Variants in LSM3 observed in about 807,000 individuals in gnomAD.
LSM3 encodes U6 snRNA-associated Sm-like protein LSm3.
In LSM3, 14 loss-of-function variants were observed where a neutral mutation model predicts 15.4. The observed-to-expected ratio is 0.91, with a 90% CI of 0.60 to 1.42. LSM3 has a LOEUF of 1.42. LSM3 is among the 40% of genes most tolerant of loss of function. The pLI is 0.00. For missense variants in LSM3, 88 were observed against 127.9 expected (o/e 0.69, Z 1.50); for synonymous variants, 46 against 45.1 (o/e 1.02, Z -0.08).
At chr3:14,197,160 G>A (rs2733550) in intron 3 of LSM3, among the ~76,000 whole-genome samples, 65,738 of 152,144 alleles carry the variant, frequency 0.43, 14,722 homozygotes, top group Non-Finnish European at 0.48. Context: ...CTAAAAGCCA[G>A]TGGCTTTTCT....
Position 14,200,725 on chromosome 3 carries a change from C to T in LSM3, c.*2609C>T, listed in dbSNP as rs1409270417. 1 of 152,190 alleles carries T rather than the reference C, an allele frequency of 6.6e-6. No individual in the cohort carries two copies. The highest frequency in any genetic ancestry group is 6.5e-5 in the Admixed American group (1 of 15,282). The allele number at this position is 152,190 out of a possible 1,614,324, so 9.4% of individuals were successfully genotyped here. On this transcript the variant is annotated 3_prime_UTR_variant, in exon 4 of 4. Transcript: ENST00000306024. ...ATCCCAAGTTAAACTTAATCATTAG[C>T]TGCAAATGGACGATTTTCAAATTTC...
chr3:14,183,843 C>A (rs997293096), intron 2 of LSM3, 94 bp from the exon 3 acceptor site: 16 of 832,334 alleles, frequency 1.9e-5, no homozygotes, highest in Non-Finnish European at 2.4e-5. Flanking sequence ...ATCAAATGCC[C>A]TAGTTGTAAT....
chr3:14,198,302 C>T lies in LSM3; in HGVS notation c.*186C>T. Reference sequence around the variant, plus strand: ...AACTTCTTAAGCTAAATGGTATTTTCATTTTTCTCAAGCTCTCCAATAAAT... The same window carrying T: ...AACTTCTTAAGCTAAATGGTATTTTTATTTTTCTCAAGCTCTCCAATAAAT... On this transcript the variant is annotated 3_prime_UTR_variant, in exon 4 of 4. Coordinates refer to ENST00000306024, the MANE Select transcript of LSM3 (RefSeq NM_014463.3). 1.8e-6 allele frequency: 1 copy of T among 548,078 alleles called. No individual in the cohort carries two copies. Among genetic ancestry groups the T allele is most frequent in the Admixed American group, 3.2e-5 (1 of 30,790 alleles). 34.0% of individuals were successfully genotyped at this position (548,078 alleles called of 1,614,324 possible).
rs909594429 is a variant in LSM3 at position 14,199,948 on chromosome 3, C to G, written c.*1832C>G. The G allele has an allele frequency of 6.6e-6, 1 of 152,256 alleles. No individual in the cohort carries two copies. The highest frequency in any genetic ancestry group is 2.1e-4 in the South Asian group (1 of 4,830). The allele number at this position is 152,256 out of a possible 1,614,324, so 9.4% of individuals were successfully genotyped here. A position where few individuals can be genotyped will look rare whatever the true frequency, so the allele number is the denominator to read the frequency against. On this transcript the variant is annotated 3_prime_UTR_variant, in exon 4 of 4. Coordinates refer to ENST00000306024, the MANE Select transcript of LSM3 (RefSeq NM_014463.3). Reference sequence around the variant, plus strand: ...GGGTGACAGGCCATCTGGCCTCGCTCTGCCAGTCTGCAGTTCTCCCCAGCA... The same window carrying G: ...GGGTGACAGGCCATCTGGCCTCGCTGTGCCAGTCTGCAGTTCTCCCCAGCA...
At chr3:14,180,098 T>G (rs1697007880) in intron 1 of LSM3, among the ~76,000 whole-genome samples, 1 of 152,164 alleles carries the variant, frequency 6.6e-6, no homozygotes, top group Non-Finnish European at 1.5e-5. Flanking sequence ...TTCAGTTACC[T>G]TCCTCCACTG....
Position 14,194,287 on chromosome 3 carries a change from C to T in LSM3, c.229-3749C>T, listed in dbSNP as rs1697168418. Among the ~76,000 whole-genome samples, 3 of 152,162 alleles carry T rather than the reference C, an allele frequency of 2.0e-5. No homozygotes were observed. In the South Asian group the frequency reaches 6.2e-4, roughly 31 times the overall value. On this transcript the variant is annotated intron_variant, in intron 3 of 3. Coordinates refer to ENST00000306024, the MANE Select transcript of LSM3 (RefSeq NM_014463.3). ...CCCTTAGCAGAGCTCGAACGCTGTGCTGGGAGGTCCGCTGCTGTCTTCAGA... is the reference window on the plus strand; with the variant it reads ...CCCTTAGCAGAGCTCGAACGCTGTGTTGGGAGGTCCGCTGCTGTCTTCAGA...
rs1697039383 is a variant in LSM3, at chr3:14,181,602, A to G, written c.64A>G (p.Arg22Gly). ...NTVEEPLDLIRLSLDERIYVK... is the reference protein window; with the variant it reads ...NTVEEPLDLIGLSLDERIYVK... Reference sequence around the variant, plus strand: ...TGTAGAGGAGCCCCTGGATCTTATCAGGCTCAGCCTAGATGAGCGAATTTA... The same window carrying G: ...TGTAGAGGAGCCCCTGGATCTTATCGGGCTCAGCCTAGATGAGCGAATTTA... The change falls in exon 2 of 4, where the codon AGG (arginine) becomes GGG (glycine). Residue 22 changes from arginine to glycine, a missense_variant. Arg to Gly is a moderately radical substitution (Grantham distance 125, BLOSUM62 -2). Coordinates refer to ENST00000306024, the MANE Select transcript of LSM3 (RefSeq NM_014463.3). 6.2e-7 allele frequency: 1 copy of G among 1,613,764 alleles called. No homozygotes were observed. The highest frequency in any genetic ancestry group is 1.7e-5 in the Admixed American group (1 of 60,012).
intron 1 of LSM3, 30 bp downstream of exon 1, chr3:14,178,911 G>T: frequency 1.2e-6 from 2 of 1,613,678 alleles, no homozygotes; most frequent in Non-Finnish European, 1.7e-6. Flanking sequence ...GTCGCTCGAA[G>T]GAGCTTCTTG....
At chr3:14,187,587 T>C (rs1316835895) in intron 3 of LSM3, among the ~76,000 whole-genome samples, 1 of 152,234 alleles carries the variant, frequency 6.6e-6, no homozygotes, top group African/African-American at 2.4e-5. Flanking sequence ...CTGTGCGCTC[T>C]TGTTACTCCT....
At chr3:14,193,368 G>A (rs926123373) in intron 3 of LSM3, among the ~76,000 whole-genome samples, 5 of 152,232 alleles carry the variant, frequency 3.3e-5, no homozygotes, top group Non-Finnish European at 7.3e-5. Flanking sequence ...ATCCTGAAGA[G>A]TGTTTTCCAA....
intron 1 of LSM3, 32 bp from the exon 2 acceptor site, chr3:14,181,528 T>C (rs369352239): frequency 7.3e-7 from 1 of 1,370,518 alleles, no homozygotes; most frequent in African/African-American, 1.4e-5. Context: ...CTGACTCTAG[T>C]ACTACATTAC....
intron 3 of LSM3, among the ~76,000 whole-genome samples, chr3:14,185,919 CT>C (rs112656058): frequency 0.032 from 4,661 of 144,244 alleles, 88 homozygotes; most frequent in Non-Finnish European, 0.046. Context: ...TCAGAAAGGT[CT>C]TTTTTTTTTT....
chr3:14,196,576 C>T (rs1697189400), intron 3 of LSM3, among the ~76,000 whole-genome samples: 1 of 152,184 alleles, frequency 6.6e-6, no homozygotes, highest in Non-Finnish European at 1.5e-5. Flanking sequence ...GTTACTGGTC[C>T]CTAACAGTGG....
At chr3:14,182,750 A>G (rs1210120943) in intron 2 of LSM3, among the ~76,000 whole-genome samples, 1 of 152,230 alleles carries the variant, frequency 6.6e-6, no homozygotes, top group Non-Finnish European at 1.5e-5. Context: ...AATCTTTATA[A>G]CAACCCTATG....
In LSM3 at chr3:14,183,861, T is replaced by C. The variant is rs998700666; in HGVS notation, c.133-76T>C. On this transcript the variant is annotated intron_variant, in intron 2 of 3. Coordinates refer to ENST00000306024, the MANE Select transcript of LSM3 (RefSeq NM_014463.3). Reference sequence around the variant, plus strand: ...AAATGCCCTAGTTGTAATTGAGCAATTTGCATATTGTTAAGCCTTTATCAT... The same window carrying C: ...AAATGCCCTAGTTGTAATTGAGCAACTTGCATATTGTTAAGCCTTTATCAT... The C allele has an allele frequency of 2.7e-5, 30 of 1,112,594 alleles. No individual in the cohort carries two copies. The African/African-American group carries it at 4.0e-4, about 15-fold the overall frequency. The allele number at this position is 1,112,594 out of a possible 1,614,324, so 68.9% of individuals were successfully genotyped here.
In LSM3 at chr3:14,178,887, T is replaced by G. The variant is rs778461046; in HGVS notation, c.21+6T>G. On this transcript the variant is annotated splice_donor_region_variant and intron_variant, in intron 1 of 3. Coordinates refer to ENST00000306024, the MANE Select transcript of LSM3 (RefSeq NM_014463.3). ...TGGCGGACGACGTAGACCAGGTAAG[T>G]GTATTTTAAGGAGGTCGCTCGAAGG... The G allele has an allele frequency of 6.2e-7, 1 of 1,614,040 alleles. No individual in the cohort carries two copies. The highest frequency in any genetic ancestry group is 8.5e-7 in the Non-Finnish European group (1 of 1,179,958).
At chr3:14,196,034 G>T (rs1244999961) in intron 3 of LSM3, among the ~76,000 whole-genome samples, 1 of 150,164 alleles carries the variant, frequency 6.7e-6, no homozygotes, top group African/African-American at 2.5e-5. Flanking sequence ...CTCACTGCAA[G>T]CTCCGCCTCC....
intron 1 of LSM3, among the ~76,000 whole-genome samples, chr3:14,181,149 T>G (rs1228276162): frequency 6.6e-6 from 1 of 152,214 alleles, no homozygotes; most frequent in Non-Finnish European, 1.5e-5. Context: ...TTTGGCATTC[T>G]GACTAGTGTA....
chr3:14,191,769 G>A (rs887225469), intron 3 of LSM3, among the ~76,000 whole-genome samples: 5 of 151,804 alleles, frequency 3.3e-5, no homozygotes, highest in Non-Finnish European at 7.4e-5. Context: ...GGTTTTTCGT[G>A]TCTCTATCTC....
Sources: gnomAD v4.1 joint callset for allele counts (sites outside exome capture counted in the v4.1 genomes callset) on GRCh38, gnomAD v4.1.1 for gene constraint, MANE v1.5 for transcripts, NCBI Gene and HGNC (gene_info 2026-07-23, HGNC 2026-07-21) for gene names.